PHEX: variants seen among roughly 807,000 people sequenced by gnomAD.
The protein encoded by PHEX is phosphate-regulating neutral endopeptidase PHEX.
A neutral mutation model predicts 68.0 loss-of-function variants in PHEX; 16 were observed. The ratio of observed to expected loss-of-function variants is 0.24; its 90% CI spans 0.16 to 0.36. The LOEUF is 0.36. Among genes scored for constraint, PHEX ranks in the 10% least tolerant of loss-of-function variants. PHEX has a pLI of 1.00. For synonymous variants in PHEX, 208 were observed against 205.1 expected (o/e 1.01, Z -0.12); for missense variants, 480 against 575.5 (o/e 0.83, Z 1.70).
At chrX:22,085,213 G>T (rs1929572249) in intron 5 of PHEX, among the ~76,000 whole-genome samples, 1 of 111,777 alleles carries the variant, frequency 8.9e-6, no homozygotes. Flanking sequence ...TTTGTTTAAA[G>T]AAATTTTTAA....
At chrX:22,114,608 G>T (rs1392174587) in intron 11 of PHEX, 22 bp downstream of exon 11, 1 of 1,189,477 alleles carries the variant, frequency 8.4e-7, no homozygotes, top group African/African-American at 1.8e-5. Context: ...TCCCCAGCTA[G>T]CAAAAAATAA....
At chrX:22,126,001 A>G (rs1206365663) in intron 11 of PHEX, among the ~76,000 whole-genome samples, 1 of 111,863 alleles carries the variant, frequency 8.9e-6, no homozygotes, top group South Asian at 3.7e-4. Context: ...CTAGGTGCCA[A>G]TTGAAGGTTT....
chrX:22,197,548 A>G (rs1934405999), intron 15 of PHEX, among the ~76,000 whole-genome samples: 1 of 110,986 alleles, frequency 9.0e-6, no homozygotes, highest in Non-Finnish European at 1.9e-5. Flanking sequence ...TGAGTGCGCC[A>G]TCTTGGAAGT....
chrX:22,229,879 A>AAGTT (rs1349323168), intron 20 of PHEX, among the ~76,000 whole-genome samples: 3 of 111,853 alleles, frequency 2.7e-5, no homozygotes, highest in Non-Finnish European at 5.6e-5. Flanking sequence ...TTTAGGTCTT[A>AAGTT]AGTTTGTTTA....
At chrX:22,231,192 G>A (rs1032159058) in intron 20 of PHEX, among the ~76,000 whole-genome samples, 2 of 112,254 alleles carry the variant, frequency 1.8e-5, no homozygotes, top group African/African-American at 3.2e-5. Flanking sequence ...GGGTATTTTC[G>A]CATAGATGTT....
At chrX:22,116,569 A>C (rs1405821032) in intron 11 of PHEX, among the ~76,000 whole-genome samples, 2 of 111,627 alleles carry the variant, frequency 1.8e-5, no homozygotes, top group African/African-American at 6.5e-5. Context: ...GTGATACATA[A>C]TAATACCAAA....
intron 11 of PHEX, among the ~76,000 whole-genome samples, chrX:22,114,900 T>C (rs536357347): frequency 1.6e-4 from 18 of 111,679 alleles, no homozygotes; most frequent in South Asian, 7.5e-4. Context: ...GTTTGAGGTA[T>C]TGAATTTAAA....
rs186417771 is a variant in PHEX, at chrX:22,095,972, G to A, written c.850-983G>A. 1.9e-3 allele frequency among the ~76,000 whole-genome samples: 207 copies of A among 111,790 alleles called. 2 individuals are homozygous for A. The highest frequency in any genetic ancestry group is 6.5e-3 in the African/African-American group (200 of 30,784). Reference sequence around the variant, plus strand: ...CACAAGGAGAGGTTTTATTGATGGAGTAGCCCTTGTGATTGGAACCAAGTG... The same window carrying A: ...CACAAGGAGAGGTTTTATTGATGGAATAGCCCTTGTGATTGGAACCAAGTG... On this transcript the variant is annotated intron_variant, in intron 7 of 21. Transcript: ENST00000379374.
At chrX:22,058,873 C>T (rs1462749633) in intron 3 of PHEX, among the ~76,000 whole-genome samples, 2 of 112,190 alleles carry the variant, frequency 1.8e-5, no homozygotes, top group Non-Finnish European at 3.8e-5. Context: ...AGCACGATCT[C>T]GGCTCACTGC....
intron 12 of PHEX, 66 bp from the exon 13 acceptor site, chrX:22,168,246 A>G: frequency 3.7e-6 from 3 of 811,785 alleles, no homozygotes; most frequent in Non-Finnish European, 5.6e-6. Context: ...GCATTTCTAC[A>G]TCTTGTGATT....
At chrX:22,140,157 T>C (rs1932395322) in intron 12 of PHEX, among the ~76,000 whole-genome samples, 2 of 111,731 alleles carry the variant, frequency 1.8e-5, no homozygotes, top group South Asian at 7.6e-4. Context: ...AATGTCCTTA[T>C]GCCAAGCCTG....
At chrX:22,231,850 A>C in intron 20 of PHEX, among the ~76,000 whole-genome samples, 1 of 111,288 alleles carries the variant, frequency 9.0e-6, no homozygotes, top group Non-Finnish European at 1.9e-5. Context: ...GGTTCTTTTC[A>C]TTGTGATGTT....
chrX:22,230,911 G>A (rs990433002), intron 20 of PHEX, among the ~76,000 whole-genome samples: 3 of 111,494 alleles, frequency 2.7e-5, no homozygotes, highest in African/African-American at 9.8e-5. Flanking sequence ...ATTAGCTGTG[G>A]GTTTGTCATA....
intron 12 of PHEX, among the ~76,000 whole-genome samples, chrX:22,142,325 A>G (rs1932507052): frequency 8.9e-6 from 1 of 111,902 alleles, no homozygotes; most frequent in Non-Finnish European, 1.9e-5. Flanking sequence ...CTACTTAAAC[A>G]TTTCTCTATA....
At chrX:22,105,337 C>G (rs1383154709) in intron 9 of PHEX, among the ~76,000 whole-genome samples, 1 of 112,472 alleles carries the variant, frequency 8.9e-6, no homozygotes, top group Admixed American at 9.4e-5. Flanking sequence ...CCTAGACCAG[C>G]TGTTTTCAAA....
At chrX:22,231,719 G>T (rs1935747177) in intron 20 of PHEX, among the ~76,000 whole-genome samples, 1 of 111,388 alleles carries the variant, frequency 9.0e-6, no homozygotes, top group Non-Finnish European at 1.9e-5. Flanking sequence ...CAAAAAACCA[G>T]CTCCTGGATT....
intron 12 of PHEX, among the ~76,000 whole-genome samples, chrX:22,149,646 C>T (rs926998682): frequency 4.5e-5 from 5 of 112,201 alleles, no homozygotes; most frequent in African/African-American, 6.5e-5. Context: ...TCCAGCTACT[C>T]GGGAGGCTGA....
intron 15 of PHEX, among the ~76,000 whole-genome samples, chrX:22,204,261 C>T (rs1307878265): frequency 9.0e-6 from 1 of 111,314 alleles, no homozygotes; most frequent in Non-Finnish European, 1.9e-5. Context: ...ATTTGATCAC[C>T]AGTTTCCTAA....
chrX:22,214,963 C>A (rs1935041003), intron 16 of PHEX, among the ~76,000 whole-genome samples: 3 of 111,315 alleles, frequency 2.7e-5, no homozygotes, highest in Admixed American at 1.9e-4. Flanking sequence ...ATATATATAT[C>A]TAAAAAATTA....
Sources: gnomAD v4.1 joint callset for allele counts (sites outside exome capture counted in the v4.1 genomes callset) on GRCh38, gnomAD v4.1.1 for gene constraint, MANE v1.5 for transcripts, NCBI Gene and HGNC (gene_info 2026-07-23, HGNC 2026-07-21) for gene names.